Variants in SUMF1 observed in about 807,000 individuals in gnomAD.
SUMF1 encodes the protein formylglycine-generating enzyme.
SUMF1 carries 48 observed loss-of-function variants against 47.6 expected under a neutral mutation model. The ratio of observed to expected loss-of-function variants is 1.01; its 90% CI spans 0.80 to 1.28. The LOEUF (loss-of-function observed/expected upper bound fraction) is 1.28. Ranked by LOEUF, SUMF1 falls within the 50% of genes most tolerant of loss-of-function variation. The pLI is 0.00. For missense variants in SUMF1, 571 were observed against 485.4 expected (o/e 1.18, Z -1.66); for synonymous variants, 230 against 192.1 (o/e 1.20, Z -1.63).
At chr3:4,289,035 A>G (rs1161365217) in intron 8 of SUMF1, among the ~76,000 whole-genome samples, 3 of 152,232 alleles carry the variant, frequency 2.0e-5, no homozygotes, top group African/African-American at 4.8e-5. Context: ...GCTACAGTAC[A>G]TAGCATAATT....
At chr3:4,154,459 C>A (rs1186720776) in intron 8 of SUMF1, among the ~76,000 whole-genome samples, 3 of 151,574 alleles carry the variant, frequency 2.0e-5, no homozygotes, top group Non-Finnish European at 4.4e-5. Flanking sequence ...ATGTTCCAGT[C>A]ACTTTGCATA....
In SUMF1 at chr3:4,393,307, G is replaced by A. The variant is rs186685538; in HGVS notation, c.955-16918C>T. Among the ~76,000 whole-genome samples, 407 of 152,064 alleles carry A rather than the reference G, an allele frequency of 2.7e-3. 1 individual carries two copies. Among genetic ancestry groups the A allele is most frequent in the Non-Finnish European group, 3.9e-3 (268 of 67,992 alleles). ...CTTTGGCTGTAAGGCTTTGGTTTTC[G>A]CCACCAGTCCTGAACTGACAGTTAC... is the stretch of plus-strand genomic sequence containing the variant. On this transcript the variant is annotated intron_variant, in intron 7 of 8. Transcript: ENST00000272902.
chr3:4,312,720 A>G (rs2125096781), intron 8 of SUMF1, among the ~76,000 whole-genome samples: 1 of 151,394 alleles, frequency 6.6e-6, no homozygotes. Context: ...AAAAAAAAAA[A>G]ACTTGTTTTA....
chr3:4,460,649 C>CATAT (rs759515438), intron 1 of SUMF1, among the ~76,000 whole-genome samples: 3 of 141,962 alleles, frequency 2.1e-5, no homozygotes, highest in Non-Finnish European at 3.1e-5. Context: ...TATATATATA[C>CATAT]ATATATATAT....
rs191812213 is a variant in SUMF1 at position 4,235,081 on chromosome 3, G to A, written c.1014+141249C>T. 1.4e-3 allele frequency among the ~76,000 whole-genome samples: 214 copies of A among 152,238 alleles called. 2 individuals carry two copies. Among genetic ancestry groups the A allele is most frequent in the Admixed American group, 6.0e-3 (91 of 15,272 alleles). On this transcript the variant is annotated intron_variant and NMD_transcript_variant, in intron 8 of 12. Transcript: ENST00000448413. Reference sequence around the variant, plus strand: ...CACCAGAGGCAGAGAAACCAGGCAGGAAACAGCTGCAGTAACCTAGCTGAG... The same window carrying A: ...CACCAGAGGCAGAGAAACCAGGCAGAAAACAGCTGCAGTAACCTAGCTGAG...
chr3:4,416,596 G>A (rs1364107475), intron 6 of SUMF1, among the ~76,000 whole-genome samples: 1 of 152,254 alleles, frequency 6.6e-6, no homozygotes, highest in Admixed American at 6.5e-5. Flanking sequence ...TTCCAGCTGT[G>A]CCGCTTTCCA....
intron 8 of SUMF1, among the ~76,000 whole-genome samples, chr3:4,274,835 T>C (rs1049326543): frequency 6.6e-6 from 1 of 152,018 alleles, no homozygotes. Context: ...GAATCACAGG[T>C]TGAATTCTGC....
chr3:4,434,733 G>T (rs1426012174), intron 3 of SUMF1, among the ~76,000 whole-genome samples: 1 of 152,046 alleles, frequency 6.6e-6, no homozygotes, highest in African/African-American at 2.4e-5. Flanking sequence ...AAAAATGAAT[G>T]AACAGAGTTG....
intron 1 of SUMF1, among the ~76,000 whole-genome samples, chr3:4,454,313 A>C: frequency 6.6e-6 from 1 of 152,228 alleles, no homozygotes; most frequent in East Asian, 1.9e-4. Context: ...GAAAATTTTC[A>C]GTTAAAAAAT....
chr3:4,368,735 G>A (rs539919629), intron 8 of SUMF1, among the ~76,000 whole-genome samples: 1 of 152,178 alleles, frequency 6.6e-6, no homozygotes, highest in African/African-American at 2.4e-5. Context: ...AGAGCCTAAC[G>A]CACATATCCC....
At chr3:4,456,801 TGTATATATATAC>T (rs2079637676) in intron 1 of SUMF1, among the ~76,000 whole-genome samples, 1 of 147,064 alleles carries the variant, frequency 6.8e-6, no homozygotes, top group Non-Finnish European at 1.5e-5. Flanking sequence ...TATATATACG[TGTATATATATAC>T]GTGTGTGTGT....
At chr3:4,310,466 A>G (rs962511390) in intron 8 of SUMF1, among the ~76,000 whole-genome samples, 2 of 152,208 alleles carry the variant, frequency 1.3e-5, no homozygotes, top group Non-Finnish European at 2.9e-5. Flanking sequence ...ACTCAAAGCA[A>G]TTATTGGTAT....
chr3:4,172,999 G>A (rs1694868354), intron 8 of SUMF1, among the ~76,000 whole-genome samples: 1 of 152,166 alleles, frequency 6.6e-6, no homozygotes, highest in South Asian at 2.1e-4. Context: ...CTTAGTTTAA[G>A]TCTTTAATCC....
intron 8 of SUMF1, chr3:4,303,696 G>A: frequency 1.3e-6 from 2 of 1,499,840 alleles, no homozygotes; most frequent in Admixed American, 2.1e-5. Flanking sequence ...GCCTTTTTCT[G>A]TTGACCCACG....
At chr3:4,362,527 A>G (rs1208784969) in intron 8 of SUMF1, among the ~76,000 whole-genome samples, 1 of 152,252 alleles carries the variant, frequency 6.6e-6, no homozygotes, top group Non-Finnish European at 1.5e-5. Context: ...ACAACCAATG[A>G]TTGCCTAAGT....
At chr3:4,441,834 T>C (rs867519653) in intron 3 of SUMF1, among the ~76,000 whole-genome samples, 5 of 152,320 alleles carry the variant, frequency 3.3e-5, no homozygotes, top group African/African-American at 1.2e-4. Context: ...CTAGCTGAGA[T>C]GGCAACAGCA....
At chr3:4,317,046 C>A in intron 8 of SUMF1, 1 of 1,549,346 alleles carries the variant, frequency 6.5e-7, no homozygotes, top group Non-Finnish European at 8.7e-7. Context: ...TTCACCTGAC[C>A]TCTTGCCAAC....
intron 7 of SUMF1, among the ~76,000 whole-genome samples, chr3:4,377,148 T>C (rs770882764): frequency 6.6e-6 from 1 of 152,110 alleles, no homozygotes; most frequent in African/African-American, 2.4e-5. Context: ...TAATAAATAG[T>C]TTGCTGATTG....
chr3:4,135,381 T>G (rs1693900976), intron 8 of SUMF1, among the ~76,000 whole-genome samples: 1 of 152,124 alleles, frequency 6.6e-6, no homozygotes, highest in African/African-American at 2.4e-5. Flanking sequence ...ACCACATGAT[T>G]ATCTCAATAG....
Sources: allele counts gnomAD v4.1 joint callset (sites outside exome capture counted in the v4.1 genomes callset), GRCh38; gene constraint gnomAD v4.1.1; transcripts MANE v1.5; gene names NCBI Gene and HGNC (gene_info 2026-07-23, HGNC 2026-07-21).